The following CPED1 variants were observed in gnomAD, a reference collection of about 807,000 sequenced individuals.
CPED1 encodes the protein cadherin-like and PC-esterase domain-containing protein 1.
Under a neutral mutation model 128.2 loss-of-function variants are expected in CPED1, and 114 were observed. The ratio of observed to expected loss-of-function variants is 0.89; its 90% confidence interval spans 0.76 to 1.04. CPED1 has a LOEUF of 1.04. Ranked by LOEUF, CPED1 falls within the 50% of genes least tolerant of loss-of-function variation. The pLI, the probability that CPED1 is intolerant of heterozygous loss-of-function variation, is 0.00. For missense variants in CPED1, 1,211 were observed against 1,207.1 expected (o/e 1.00, Z -0.05); for synonymous variants, 462 against 426.7 (o/e 1.08, Z -1.02).
intron 22 of CPED1, among the ~76,000 whole-genome samples, chr7:121,285,389 G>A (rs1413814353): frequency 2.6e-5 from 4 of 152,132 alleles, no homozygotes; most frequent in Non-Finnish European, 5.9e-5. Flanking sequence ...TTAACACTTG[G>A]CTCCTCATTA....
chr7:121,089,929 G>A (rs779638887), intron 5 of CPED1, among the ~76,000 whole-genome samples: 2 of 152,102 alleles, frequency 1.3e-5, no homozygotes, highest in African/African-American at 2.4e-5. Context: ...AAATTAAACT[G>A]CCATAAAGTA....
intron 16 of CPED1, among the ~76,000 whole-genome samples, chr7:121,196,117 C>T (rs1797266593): frequency 6.6e-6 from 1 of 152,014 alleles, no homozygotes; most frequent in South Asian, 2.1e-4. Flanking sequence ...ATTCAGTTTT[C>T]AGAAATAATT....
chr7:121,166,522 T>A (rs765340757), intron 16 of CPED1, among the ~76,000 whole-genome samples: 8 of 152,082 alleles, frequency 5.3e-5, no homozygotes, highest in Non-Finnish European at 7.4e-5. Context: ...AACATCTCAC[T>A]CAGGAAAAAA....
chr7:121,174,140 G>A (rs892275315), intron 16 of CPED1, among the ~76,000 whole-genome samples: 1 of 152,038 alleles, frequency 6.6e-6, no homozygotes. Context: ...CAGATGCATG[G>A]TTTGCAAATA....
At chr7:121,122,180 AC>A (rs1433359045) in intron 7 of CPED1, among the ~76,000 whole-genome samples, 1 of 129,344 alleles carries the variant, frequency 7.7e-6, no homozygotes, top group African/African-American at 3.0e-5. Flanking sequence ...TCGCTCTGTC[AC>A]CCAGGCTGCA....
intron 5 of CPED1, among the ~76,000 whole-genome samples, chr7:121,093,397 T>TACACACACACACACACACACACAC (rs10526224): frequency 2.9e-4 from 42 of 145,470 alleles, no homozygotes; most frequent in African/African-American, 9.7e-4. Flanking sequence ...CCTTTTTCTG[T>TACACACACACACACACACACACAC]ACACACACAC....
intron 16 of CPED1, among the ~76,000 whole-genome samples, chr7:121,227,871 G>C (rs1371646160): frequency 6.6e-6 from 1 of 152,054 alleles, no homozygotes; most frequent in Non-Finnish European, 1.5e-5. Context: ...GTGGTAAGTT[G>C]GAAGGCAGGT....
chr7:121,271,725 T>C (rs1792233421), intron 22 of CPED1, among the ~76,000 whole-genome samples: 1 of 152,022 alleles, frequency 6.6e-6, no homozygotes, highest in Non-Finnish European at 1.5e-5. Flanking sequence ...CTAATAGACT[T>C]CAAGCCTTCC....
chr7:121,026,410 T>G (rs1320631792), intron 3 of CPED1, among the ~76,000 whole-genome samples: 7 of 152,160 alleles, frequency 4.6e-5, no homozygotes, highest in Non-Finnish European at 1.0e-4. Flanking sequence ...ATCCTTGTGC[T>G]ATCATAGTGG....
At chr7:121,004,900 C>A (rs961582967) in intron 2 of CPED1, among the ~76,000 whole-genome samples, 5 of 152,084 alleles carry the variant, frequency 3.3e-5, no homozygotes, top group Admixed American at 6.5e-5. Flanking sequence ...TCTGGTCCAG[C>A]CCCCAAATCT....
rs111979214 is a variant in CPED1 at position 121,129,172 on chromosome 7, A to T, written c.1407+686A>T. On this transcript the variant is annotated intron_variant, in intron 11 of 22. Coordinates refer to ENST00000310396, the MANE Select transcript of CPED1 (RefSeq NM_024913.5). ...GTATTTTTCCACCTAAGATTTGTTC[A>T]TATGAAATATCTTTTTGAAATAGCA... Among the ~76,000 whole-genome samples the T allele has an allele frequency of 3.6e-4, 54 of 151,120 alleles. 1 individual carries two copies. Among genetic ancestry groups the T allele is most frequent in the African/African-American group, 1.2e-3 (50 of 41,392 alleles).
At position 121,030,374 on chromosome 7, in the gene CPED1, C is replaced by T. The variant is rs184388476; in HGVS notation, c.433+14526C>T. ...CCAGTTACCCGTAGTCAACTGCAGT[C>T]CAAAAATATTAAATTGAAAACTCTG... On this transcript the variant is annotated intron_variant, in intron 3 of 22. Transcript: ENST00000310396. Among the ~76,000 whole-genome samples the T allele has an allele frequency of 9.2e-5, 14 of 152,256 alleles. No individual in the cohort carries two copies. The East Asian group carries it at 2.7e-3, about 29-fold the overall frequency.
chr7:121,230,661 A>G (rs1443282959), intron 16 of CPED1, among the ~76,000 whole-genome samples: 1 of 152,012 alleles, frequency 6.6e-6, no homozygotes, highest in Non-Finnish European at 1.5e-5. Context: ...TCTTCCAGCT[A>G]TCAATTTCCT....
In CPED1 at chr7:121,016,986, G is replaced by A. The variant is rs183657728; in HGVS notation, c.433+1138G>A. Among the ~76,000 whole-genome samples the A allele has an allele frequency of 2.6e-5, 4 of 152,228 alleles. No homozygotes were observed. The East Asian group carries it at 7.7e-4, about 29-fold the overall frequency. On this transcript the variant is annotated intron_variant, in intron 3 of 22. Coordinates refer to ENST00000310396, the MANE Select transcript of CPED1 (RefSeq NM_024913.5). The stretch of plus-strand genomic sequence containing the variant: ...AGGTGCCCCCTTGCTGGTTTGTGCT[G>A]GCGAATGAATGAAAGCAAGTTGGGA...
chr7:121,244,267 T>C lies in CPED1; in HGVS notation c.2239T>C (p.Trp747Arg). ...GACGTGTGACTGGAGAGAAATAACC[T>C]GGCAGCCCCACAACTGCCAATATGG... ...NRTCDWREIT[W>R]QPHNCQYGVL... Residue 747 changes from tryptophan (W) to arginine (R), a missense_variant, in exon 18 of 23, where the codon TGG becomes CGG. Physicochemically the swap from Trp to Arg is moderately radical, Grantham distance 101. Transcript: ENST00000310396. 6.2e-7 allele frequency: 1 copy of C among 1,614,168 alleles called. No individual in the cohort carries two copies. The highest frequency in any genetic ancestry group is 8.5e-7 in the Non-Finnish European group (1 of 1,179,994).
chr7:121,068,226 T>G (rs1177969044), intron 5 of CPED1, among the ~76,000 whole-genome samples: 1 of 152,234 alleles, frequency 6.6e-6, no homozygotes, highest in Non-Finnish European at 1.5e-5. Flanking sequence ...TAGGTTTTCT[T>G]CTAGTGCTTT....
chr7:121,155,355 A>G (rs962036612), intron 16 of CPED1, among the ~76,000 whole-genome samples: 2 of 152,310 alleles, frequency 1.3e-5, no homozygotes, highest in Non-Finnish European at 1.5e-5. Flanking sequence ...AAATAGAAAA[A>G]CAATCCTAAA....
At chr7:121,176,861 A>G (rs998303064) in intron 16 of CPED1, among the ~76,000 whole-genome samples, 1 of 152,110 alleles carries the variant, frequency 6.6e-6, no homozygotes, top group African/African-American at 2.4e-5. Context: ...TATTCTTTCT[A>G]TCACAGAGAT....
Position 121,271,325 on chromosome 7 carries a change from G to A in CPED1, c.2763G>A (p.Leu921=), listed in dbSNP as rs980793266. The A allele has an allele frequency of 6.2e-7, 1 of 1,612,186 alleles. No homozygotes were observed. Among genetic ancestry groups the A allele is most frequent in the African/African-American group, 1.3e-5 (1 of 74,806 alleles). ...QNLWKENLII[L]DTAKKHGYEV... The stretch of plus-strand genomic sequence containing the variant: ...TATGGAAAGAAAATTTGATTATTCT[G>A]GATACTGCAAAAAAACATGGCTATG... The change falls in exon 22 of 23, where the codon CTG becomes CTA. Residue 921 remains leucine (L), a synonymous_variant. Coordinates refer to ENST00000310396, the MANE Select transcript of CPED1 (RefSeq NM_024913.5).
Sources: gnomAD v4.1 joint callset for allele counts (sites outside exome capture counted in the v4.1 genomes callset) on GRCh38, gnomAD v4.1.1 for gene constraint, MANE v1.5 for transcripts, NCBI Gene and HGNC (gene_info 2026-07-23, HGNC 2026-07-21) for gene names.